Variants in ANKRD30BL observed in about 807,000 individuals in gnomAD.
ANKRD30BL encodes the protein putative ankyrin repeat domain-containing protein 30B-like.
Under a neutral mutation model 18.4 loss-of-function variants are expected in ANKRD30BL, and 20 were observed. The observed-to-expected ratio is 1.09, with a 90% CI of 0.77 to 1.58. ANKRD30BL has a LOEUF of 1.58. Among genes scored for constraint, ANKRD30BL ranks in the 40% most tolerant of loss-of-function variants. ANKRD30BL has a pLI of 0.00. For synonymous variants in ANKRD30BL, 72 were observed against 100.9 expected (o/e 0.71, Z 1.72); for missense variants, 224 against 268.6 (o/e 0.83, Z 1.16).
chr2:132,160,932 A>C (rs1688040091), intron 1 of ANKRD30BL, among the ~76,000 whole-genome samples: 1 of 149,240 alleles, frequency 6.7e-6, no homozygotes, highest in Non-Finnish European at 1.5e-5. Flanking sequence ...AGTCTTCTTA[A>C]ATTCGAAAAC....
intron 1 of ANKRD30BL, among the ~76,000 whole-genome samples, chr2:132,205,884 G>T (rs1365213382): frequency 6.6e-6 from 1 of 152,086 alleles, no homozygotes; most frequent in African/African-American, 2.4e-5. Context: ...AAAGAGGCTG[G>T]GCACAGTGGC....
At chr2:132,180,499 A>G (rs1459522520) in intron 1 of ANKRD30BL, among the ~76,000 whole-genome samples, 14 of 152,210 alleles carry the variant, frequency 9.2e-5, no homozygotes, top group Admixed American at 7.9e-4. Flanking sequence ...GTATGCACAC[A>G]TATGCAGGGG....
intron 1 of ANKRD30BL, among the ~76,000 whole-genome samples, chr2:132,252,123 ATT>A (rs112219459): frequency 4.6e-5 from 7 of 151,784 alleles, no homozygotes; most frequent in African/African-American, 1.7e-4. Flanking sequence ...TTAAAACTGT[ATT>A]TTTTTTTACA....
At chr2:132,204,606 T>A (rs1679174385) in intron 1 of ANKRD30BL, among the ~76,000 whole-genome samples, 1 of 152,034 alleles carries the variant, frequency 6.6e-6, no homozygotes. Flanking sequence ...ACAGGCATGA[T>A]GTGATGAATG....
chr2:132,233,132 T>A (rs940513382), intron 1 of ANKRD30BL, among the ~76,000 whole-genome samples: 2 of 150,828 alleles, frequency 1.3e-5, no homozygotes, highest in Admixed American at 6.6e-5. Flanking sequence ...GACAAGCAAA[T>A]GCTGAGAGAT....
intron 1 of ANKRD30BL, among the ~76,000 whole-genome samples, chr2:132,254,741 G>C (rs976902795): frequency 5.9e-5 from 9 of 152,214 alleles, no homozygotes; most frequent in Non-Finnish European, 8.8e-5. Context: ...ATCTCAGGTG[G>C]CTGAACGCCA....
At chr2:132,219,604 T>G (rs1247074042) in intron 1 of ANKRD30BL, among the ~76,000 whole-genome samples, 1 of 151,814 alleles carries the variant, frequency 6.6e-6, no homozygotes, top group Non-Finnish European at 1.5e-5. Context: ...TGTAGAATCT[T>G]CAAGTGGAAA....
chr2:132,214,890 T>A (rs899574270), intron 1 of ANKRD30BL, among the ~76,000 whole-genome samples: 2 of 152,036 alleles, frequency 1.3e-5, no homozygotes, highest in African/African-American at 4.8e-5. Context: ...TTGTGATGTG[T>A]GCATTCATCT....
upstream of ANKRD30BL, among the ~76,000 whole-genome samples, chr2:132,164,269 C>CTTTTTTT (rs796313755): frequency 1.2e-4 from 13 of 112,184 alleles, no homozygotes; most frequent in South Asian, 1.2e-3. Flanking sequence ...TTTTCTTTTT[C>CTTTTTTT]TTTTTTTTTT....
intron 4 of ANKRD30BL, chr2:132,153,600 C>G (rs746697545): frequency 2.6e-6 from 2 of 770,548 alleles, no homozygotes; most frequent in Non-Finnish European, 4.2e-6. Flanking sequence ...GCAATCATTC[C>G]ACATGTAGCT....
intron 1 of ANKRD30BL, among the ~76,000 whole-genome samples, chr2:132,215,733 C>A (rs371183936): frequency 6.6e-6 from 1 of 151,420 alleles, no homozygotes; most frequent in Admixed American, 6.6e-5. Flanking sequence ...CTGACAAATT[C>A]TTTGTGATGT....
At chr2:132,236,952 A>T (rs1381888515) in intron 1 of ANKRD30BL, among the ~76,000 whole-genome samples, 4 of 151,868 alleles carry the variant, frequency 2.6e-5, no homozygotes, top group Non-Finnish European at 5.9e-5. Context: ...GCCATAAAAA[A>T]TGATGAGTTC....
At chr2:132,231,993 C>A (rs1197402974) in intron 1 of ANKRD30BL, among the ~76,000 whole-genome samples, 1 of 152,226 alleles carries the variant, frequency 6.6e-6, no homozygotes, top group Non-Finnish European at 1.5e-5. Flanking sequence ...GATCTGAGAA[C>A]TGGCAGACTG....
At chr2:132,198,936 G>A (rs1248737593) in intron 1 of ANKRD30BL, among the ~76,000 whole-genome samples, 1 of 152,046 alleles carries the variant, frequency 6.6e-6, no homozygotes, top group East Asian at 1.9e-4. Flanking sequence ...GTATTTTTAA[G>A]GTTTCATTTG....
intron 1 of ANKRD30BL, among the ~76,000 whole-genome samples, chr2:132,177,701 C>G (rs1011206849): frequency 6.6e-6 from 1 of 152,122 alleles, no homozygotes; most frequent in Non-Finnish European, 1.5e-5. Flanking sequence ...TTCAATATAG[C>G]ATTTTCTCCT....
intron 1 of ANKRD30BL, among the ~76,000 whole-genome samples, chr2:132,240,379 T>G (rs996885656): frequency 5.9e-5 from 9 of 151,888 alleles, no homozygotes; most frequent in Non-Finnish European, 1.2e-4. Context: ...TGCATTCAAC[T>G]CACAAAGTGG....
chr2:132,214,298 C>T (rs377579261), intron 1 of ANKRD30BL, among the ~76,000 whole-genome samples: 1 of 151,894 alleles, frequency 6.6e-6, no homozygotes, highest in Non-Finnish European at 1.5e-5. Flanking sequence ...ATTTAGAGAG[C>T]TTTGAGGCCT....
intron 1 of ANKRD30BL, among the ~76,000 whole-genome samples, chr2:132,234,980 T>G (rs1383046690): frequency 6.6e-6 from 1 of 152,166 alleles, no homozygotes; most frequent in Non-Finnish European, 1.5e-5. Context: ...TCAAAAAGCT[T>G]ATCCACCATG....
chr2:132,257,451 C>T (rs74480214), intron 1 of ANKRD30BL: 7 of 297,860 alleles, frequency 2.4e-5, no homozygotes, highest in Admixed American at 1.4e-4. Context: ...GGGGAAGGCG[C>T]GGGCCACACA....
Sources: gnomAD v4.1 joint callset for allele counts (sites outside exome capture counted in the v4.1 genomes callset) on GRCh38, gnomAD v4.1.1 for gene constraint, MANE v1.5 for transcripts, NCBI Gene and HGNC (gene_info 2026-07-23, HGNC 2026-07-21) for gene names.